CHCHD3: variants seen among roughly 807,000 people sequenced by gnomAD.
CHCHD3 encodes MICOS complex subunit MIC19.
CHCHD3 carries 20 observed loss-of-function variants against 38.2 expected under a neutral mutation model. The observed-to-expected ratio is 0.52, with a 90% CI of 0.37 to 0.76. The LOEUF is 0.76. CHCHD3 is among the 30% of genes least tolerant of loss of function. CHCHD3 has a pLI of 0.00. For missense variants in CHCHD3, 245 were observed against 279.2 expected (o/e 0.88, Z 0.87); for synonymous variants, 82 against 100.0 (o/e 0.82, Z 1.07).
intron 4 of CHCHD3, among the ~76,000 whole-genome samples, chr7:132,889,452 T>G (rs1809306231): frequency 1.3e-5 from 2 of 152,122 alleles, no homozygotes; most frequent in African/African-American, 4.8e-5. Flanking sequence ...GAAGAGCTGA[T>G]TACAACCTAA....
intron 3 of CHCHD3, among the ~76,000 whole-genome samples, chr7:132,991,291 T>C (rs546286132): frequency 1.5e-4 from 23 of 152,318 alleles, no homozygotes; most frequent in African/African-American, 5.5e-4. Context: ...TTCATATTTC[T>C]TTCTGTTTGG....
intron 4 of CHCHD3, among the ~76,000 whole-genome samples, chr7:132,902,241 A>G (rs1172178235): frequency 2.0e-5 from 3 of 152,234 alleles, no homozygotes; most frequent in Non-Finnish European, 4.4e-5. Flanking sequence ...TAGTTCAACC[A>G]CTGTGGAAGA....
In CHCHD3 at chr7:133,035,830, C is replaced by G; in HGVS notation, c.170-11203G>C. On this transcript the variant is annotated intron_variant, in intron 2 of 7. Coordinates refer to ENST00000262570, the MANE Select transcript of CHCHD3 (RefSeq NM_017812.4). The surrounding 1 kb of genome is among the most constrained non-coding windows in gnomAD (Gnocchi z 4.7). ...TGGAAGTGGGGTGGTGCGGAGAGCA[C>G]GCGGATCTGAGCCCCGCTGTACTGA... is the stretch of plus-strand genomic sequence containing the variant. The G allele has an allele frequency of 6.2e-7, 1 of 1,613,024 alleles. No individual in the cohort carries two copies. The highest frequency in any genetic ancestry group is 8.5e-7 in the Non-Finnish European group (1 of 1,179,076).
chr7:132,820,343 G>A (rs1424343373), intron 6 of CHCHD3, among the ~76,000 whole-genome samples: 2 of 152,166 alleles, frequency 1.3e-5, no homozygotes, highest in African/African-American at 4.8e-5. Context: ...ATAAACTAGA[G>A]TAATAGTATT....
Position 133,035,208 on chromosome 7 carries a change from C to T in CHCHD3, c.170-10581G>A, listed in dbSNP as rs557585283. 1.3e-5 allele frequency: 21 copies of T among 1,613,732 alleles called. No homozygotes were observed. The South Asian group carries it at 1.4e-4, about 11-fold the overall frequency. ...AGCCTGGGGCTTCTGCTTCTCTTCC[C>T]GTGAACCCTTCTCTTTCCGTGGTGT... is the stretch of plus-strand genomic sequence containing the variant. On this transcript the variant is annotated intron_variant, in intron 2 of 7. Transcript: ENST00000262570. The surrounding 1 kb of genome is among the most constrained non-coding windows in gnomAD (Gnocchi z 4.7).
In CHCHD3 at chr7:132,950,525, C is replaced by T. The variant is rs1031262936; in HGVS notation, c.369+24644G>A. On this transcript the variant is annotated intron_variant, in intron 4 of 7. Coordinates refer to ENST00000262570, the MANE Select transcript of CHCHD3 (RefSeq NM_017812.4). Reference sequence around the variant, plus strand: ...TATAAGATGCAAATCACATTGATTCCCTGATTGATCATAAGACAGAGTATG... The same window carrying T: ...TATAAGATGCAAATCACATTGATTCTCTGATTGATCATAAGACAGAGTATG... 2.6e-5 allele frequency among the ~76,000 whole-genome samples: 4 copies of T among 152,070 alleles called. No homozygotes were observed. The South Asian group carries it at 8.3e-4, about 32-fold the overall frequency.
intron 5 of CHCHD3, among the ~76,000 whole-genome samples, chr7:132,862,357 C>T (rs1341933110): frequency 6.6e-6 from 1 of 152,218 alleles, no homozygotes; most frequent in Admixed American, 6.5e-5. Flanking sequence ...GTGAGTCATG[C>T]AAACTTTTTG....
intron 5 of CHCHD3, among the ~76,000 whole-genome samples, chr7:132,861,255 T>C (rs957220040): frequency 5.3e-5 from 8 of 152,174 alleles, no homozygotes; most frequent in African/African-American, 1.7e-4. Context: ...GACTGGTGGC[T>C]GGAGCACTCA....
chr7:132,984,086 C>A (rs566448259), intron 3 of CHCHD3, among the ~76,000 whole-genome samples: 46 of 96,180 alleles, frequency 4.8e-4, no homozygotes, highest in Admixed American at 4.1e-3. Context: ...CTCTCCCTCT[C>A]TTTCCACGGT....
intron 5 of CHCHD3, among the ~76,000 whole-genome samples, chr7:132,882,461 CTATATATATATATATA>C (rs71178065): frequency 0.054 from 7,345 of 134,900 alleles, 516 homozygotes; most frequent in East Asian, 0.21. Flanking sequence ...ACAATATATT[CTATATATATATATATA>C]TATATATATA....
intron 3 of CHCHD3, among the ~76,000 whole-genome samples, chr7:133,011,535 C>T (rs1812873439): frequency 6.6e-6 from 1 of 152,128 alleles, no homozygotes; most frequent in Non-Finnish European, 1.5e-5. Context: ...CTGGCCTCTA[C>T]CTATCAGATG....
chr7:132,817,218 TTG>T (rs869113526), intron 6 of CHCHD3, among the ~76,000 whole-genome samples: 13 of 151,278 alleles, frequency 8.6e-5, no homozygotes, highest in Admixed American at 6.6e-5. Flanking sequence ...TTTTTTTTTT[TTG>T]GGCATTACCC....
intron 5 of CHCHD3, among the ~76,000 whole-genome samples, chr7:132,854,043 A>T (rs1445572902): frequency 6.6e-6 from 1 of 152,186 alleles, no homozygotes; most frequent in East Asian, 1.9e-4. Context: ...ATTAAGTGTC[A>T]ATGAGTAAAT....
At chr7:132,912,004 A>G (rs2117221074) in intron 4 of CHCHD3, among the ~76,000 whole-genome samples, 2 of 152,344 alleles carry the variant, frequency 1.3e-5, no homozygotes, top group South Asian at 4.1e-4. Context: ...TGCAAACACA[A>G]CAAACGTGAA....
At chr7:132,793,930 G>A (rs1057037378) in intron 7 of CHCHD3, among the ~76,000 whole-genome samples, 7 of 152,154 alleles carry the variant, frequency 4.6e-5, no homozygotes, top group Admixed American at 3.3e-4. Context: ...CTCTTAACAG[G>A]GGCACAGCTG....
intron 5 of CHCHD3, among the ~76,000 whole-genome samples, chr7:132,882,572 G>C (rs1358864312): frequency 6.6e-6 from 1 of 151,172 alleles, no homozygotes; most frequent in Non-Finnish European, 1.5e-5. Context: ...GTGCCAAAAA[G>C]CCTAACAGTT....
At chr7:132,824,314 CTTTT>C (rs57262694) in intron 6 of CHCHD3, among the ~76,000 whole-genome samples, 10 of 90,132 alleles carry the variant, frequency 1.1e-4, no homozygotes, top group Non-Finnish European at 1.9e-4. Flanking sequence ...TAGTAGAACT[CTTTT>C]TTTTTTTTTT....
intron 4 of CHCHD3, among the ~76,000 whole-genome samples, chr7:132,900,922 C>T (rs892612770): frequency 3.3e-5 from 5 of 152,016 alleles, no homozygotes; most frequent in Non-Finnish European, 7.4e-5. Flanking sequence ...ACCGGGGAGG[C>T]GGACGTTGCA....
At chr7:132,986,306 C>G (rs1202593898) in intron 3 of CHCHD3, among the ~76,000 whole-genome samples, 5 of 148,338 alleles carry the variant, frequency 3.4e-5, no homozygotes, top group African/African-American at 1.3e-4. Context: ...AACCAGAGAC[C>G]TTTGTTCACT....
Sources: allele counts gnomAD v4.1 joint callset (sites outside exome capture counted in the v4.1 genomes callset), GRCh38; gene constraint gnomAD v4.1.1; non-coding constraint Gnocchi (gnomAD v3.1); transcripts MANE v1.5; gene names NCBI Gene and HGNC (gene_info 2026-07-23, HGNC 2026-07-21).